Variants in ABR observed in about 807,000 individuals in gnomAD.
The protein encoded by ABR is active breakpoint cluster region-related protein.
ABR carries 35 observed loss-of-function variants against 107.2 expected under a neutral mutation model. That is an observed-to-expected ratio of 0.33 (90% CI 0.25 to 0.43). The LOEUF is 0.43. Among genes scored for constraint, ABR ranks in the 20% least tolerant of loss-of-function variants. The probability of loss-of-function intolerance (pLI) is 1.00; values close to 1 mark genes in which losing one functional copy is unlikely to be tolerated. For synonymous variants in ABR, 498 were observed against 462.0 expected (o/e 1.08, Z -1.00); for missense variants, 815 against 1,115.2 (o/e 0.73, Z 3.83).
rs1162117552 is a variant in ABR at position 1,027,522 on chromosome 17, AGAG to A, written c.1792-14361_1792-14359del. Among the ~76,000 whole-genome samples, 2 of 152,136 alleles carry A rather than the reference AGAG, an allele frequency of 1.3e-5. No individual in the cohort carries two copies. Among genetic ancestry groups the A allele is most frequent in the East Asian group, 3.9e-4 (2 of 5,184 alleles). On this transcript the variant is annotated intron_variant, in intron 16 of 22. Coordinates refer to ENST00000302538, the MANE Select transcript of ABR (RefSeq NM_021962.5). The surrounding 1 kb of genome is among the most constrained non-coding windows in gnomAD (Gnocchi z 4.7). ...GGAGCTGGCCTGGCAGAGAGATCAG[AGAG>A]TACTCATGAGGCCCCAGCAGTGAGG...
In ABR at chr17:1,067,093, C is replaced by G; in HGVS notation, c.1166G>C (p.Ser389Thr). The G allele has an allele frequency of 6.2e-7, 1 of 1,613,522 alleles. No individual in the cohort carries two copies. The highest frequency in any genetic ancestry group is 8.5e-7 in the Non-Finnish European group (1 of 1,179,836). ...DMKMKISALK[S>T]EIQKEKANKG... is the part of the protein sequence containing the mutation. ...TCTGCTCACCTCCTTCTGGATTTCA[C>G]TCTTGAGGGCAGAGATCTTCATCTT... is the stretch of plus-strand genomic sequence containing the variant. The change falls in exon 10 of 23, where the codon AGT (serine) becomes ACT (threonine). Residue 389 changes from serine to threonine, a missense_variant. Physicochemically the swap from Ser to Thr is moderately conservative, Grantham distance 58 (BLOSUM62 1). Around this residue, in one of 5 missense-constraint regions of ABR, gnomAD observed 385 missense variants for 596.9 expected, o/e 0.64. Transcript: ENST00000302538.
chr17:1,190,594 C>T (rs1367584137), upstream of ABR, among the ~76,000 whole-genome samples: 5 of 152,142 alleles, frequency 3.3e-5, no homozygotes, highest in East Asian at 1.9e-4. Flanking sequence ...GAGCTGAGAT[C>T]GTGCCACTGC....
intron 16 of ABR, among the ~76,000 whole-genome samples, chr17:1,022,907 G>A (rs1487346453): frequency 6.6e-6 from 1 of 152,252 alleles, no homozygotes; most frequent in Non-Finnish European, 1.5e-5. Flanking sequence ...AGCTCTGAAC[G>A]ACGCTTTTGT....
chr17:1,100,771 G>T, intron 2 of ABR, 36 bp from the exon 3 acceptor site: 1 of 1,604,642 alleles, frequency 6.2e-7, no homozygotes, highest in Non-Finnish European at 8.5e-7. Context: ...CAGCTCATGA[G>T]CAAGGAGGCC....
At chr17:1,212,883 T>C (rs531150672) in intron 1 of ABR, among the ~76,000 whole-genome samples, 12 of 150,458 alleles carry the variant, frequency 8.0e-5, no homozygotes, top group African/African-American at 2.7e-4. Flanking sequence ...AGTGAGACAC[T>C]GTCTAAAAAA....
chr17:1,050,101 G>A lies in ABR; in HGVS notation c.1740C>T (p.Asn580=). ...YEKCYDKTKV[N]KDNNEIVDKI... ...TGTCCACGATCTCATTGTTGTCCTT[G>A]TTGACCTTGGTCTTGTCATAGCACT... The change falls in exon 16 of 23, where the codon AAC becomes AAT. Residue 580 remains asparagine (N), a synonymous_variant. Transcript: ENST00000302538. This position sits in a 1 kb window ranked among gnomAD's most constrained non-coding sequence, Gnocchi z 4.6. 6.2e-7 allele frequency: 1 copy of A among 1,614,134 alleles called. No individual in the cohort carries two copies. Among genetic ancestry groups the A allele is most frequent in the Non-Finnish European group, 8.5e-7 (1 of 1,180,024 alleles).
chr17:1,040,117 G>A (rs1321778248), intron 16 of ABR, among the ~76,000 whole-genome samples: 1 of 152,170 alleles, frequency 6.6e-6, no homozygotes, highest in African/African-American at 2.4e-5. Flanking sequence ...ATCTTCCTGG[G>A]AGGGGTCCCA....
chr17:1,177,659 G>T (rs1377554496), intron 1 of ABR, among the ~76,000 whole-genome samples: 2 of 152,150 alleles, frequency 1.3e-5, no homozygotes, highest in Admixed American at 1.3e-4. Context: ...TAGAGACAGG[G>T]TTCCATACGA....
At chr17:1,193,157 G>A (rs369754188) in intron 1 of ABR, among the ~76,000 whole-genome samples, 17 of 152,312 alleles carry the variant, frequency 1.1e-4, no homozygotes, top group African/African-American at 3.6e-4. Flanking sequence ...AACTGGGGGC[G>A]AATATAGAAA....
At chr17:1,086,660 C>T (rs900362922) in intron 4 of ABR, among the ~76,000 whole-genome samples, 2 of 152,146 alleles carry the variant, frequency 1.3e-5, no homozygotes, top group Admixed American at 6.5e-5. Context: ...ACCACCACAC[C>T]CGGCTAGTTT....
At chr17:1,142,977 A>ACAGCTCACTCCTGGGGG (rs2040354819) in intron 1 of ABR, among the ~76,000 whole-genome samples, 2 of 144,666 alleles carry the variant, frequency 1.4e-5, no homozygotes, top group Admixed American at 6.9e-5. Flanking sequence ...CTCCTGGGGG[A>ACAGCTCACTCCTGGGGG]CAGCTCGCTC....
chr17:1,212,083 GA>G (rs58750976), intron 1 of ABR, among the ~76,000 whole-genome samples: 138,094 of 144,528 alleles, frequency 0.96, 66,338 homozygotes, highest in East Asian at 1. Context: ...ACCCCATCTC[GA>G]AAAAAAAAAA....
At chr17:1,186,116 C>T (rs2042290966) in intron 1 of ABR, among the ~76,000 whole-genome samples, 1 of 152,198 alleles carries the variant, frequency 6.6e-6, no homozygotes, top group African/African-American at 2.4e-5. Context: ...GGATTACAGG[C>T]GTGAGCCACC....
At chr17:1,221,456 T>G (rs1024170735) in intron 1 of ABR, among the ~76,000 whole-genome samples, 7 of 152,168 alleles carry the variant, frequency 4.6e-5, no homozygotes, top group African/African-American at 1.7e-4. Flanking sequence ...CTGAAAAGCC[T>G]CCATTCCTGA....
At chr17:1,074,404 G>A (rs961579352) in intron 6 of ABR, among the ~76,000 whole-genome samples, 7 of 150,166 alleles carry the variant, frequency 4.7e-5, no homozygotes, top group East Asian at 3.9e-4. Context: ...CCTGCCACAC[G>A]CAGAACCCCA....
chr17:1,137,701 C>A (rs2040134709), intron 1 of ABR, among the ~76,000 whole-genome samples: 1 of 152,104 alleles, frequency 6.6e-6, no homozygotes, highest in Non-Finnish European at 1.5e-5. Context: ...ACACTTCCAA[C>A]TGGTGAAAAA....
chr17:1,116,500 G>C (rs1380275623), intron 2 of ABR, among the ~76,000 whole-genome samples: 2 of 152,204 alleles, frequency 1.3e-5, no homozygotes, highest in African/African-American at 4.8e-5. Flanking sequence ...GGGCGTGAGA[G>C]CTGTGGGATG....
intron 2 of ABR, among the ~76,000 whole-genome samples, chr17:1,119,493 T>C (rs1368549974): frequency 5.7e-5 from 5 of 87,766 alleles, no homozygotes; most frequent in African/African-American, 1.9e-4. Flanking sequence ...CCTGAGTTCC[T>C]CCCAGCGTTA....
At chr17:1,056,150 G>T (rs369057600) in intron 13 of ABR, 41 bp from the exon 14 acceptor site, 1 of 1,584,782 alleles carries the variant, frequency 6.3e-7, no homozygotes, top group Non-Finnish European at 8.7e-7. Flanking sequence ...GGTGGTCAGC[G>T]GATCCCCTCA....
Sources: allele counts gnomAD v4.1 joint callset (sites outside exome capture counted in the v4.1 genomes callset), GRCh38; gene constraint gnomAD v4.1.1; regional missense constraint gnomAD v4.1.1; non-coding constraint Gnocchi (gnomAD v3.1); transcripts MANE v1.5; gene names NCBI Gene and HGNC (gene_info 2026-07-23, HGNC 2026-07-21).